RHOBTB2: variants seen among roughly 807,000 people sequenced by gnomAD.
RHOBTB2 encodes rho-related BTB domain-containing protein 2.
A neutral mutation model predicts 66.5 loss-of-function variants in RHOBTB2; 39 were observed. That is an observed-to-expected ratio of 0.59 (90% confidence interval 0.45 to 0.77). RHOBTB2 has a LOEUF of 0.77. Ranked by LOEUF, RHOBTB2 falls within the 30% of genes least tolerant of loss-of-function variation. The pLI is 0.00. For missense variants in RHOBTB2, 755 were observed against 999.1 expected (o/e 0.76, Z 3.29); for synonymous variants, 390 against 395.0 (o/e 0.99, Z 0.15).
Position 23,005,678 on chromosome 8 carries a change from C to T in RHOBTB2, c.296+203C>T, listed in dbSNP as rs2430812. ...GGATCAGGAAGCCTGGATTGAGTTC[C>T]AGCTCTGTGCCTAGTAGCTCTGAGA... On this transcript the variant is annotated intron_variant, in intron 3 of 9. Coordinates refer to ENST00000251822, the MANE Select transcript of RHOBTB2 (RefSeq NM_015178.3). Among the ~76,000 whole-genome samples, 127,774 of 152,154 alleles carry T rather than the reference C, an allele frequency of 0.84. 53,702 individuals are homozygous for T. The highest frequency in any genetic ancestry group is 0.96 in the East Asian group (4,954 of 5,180).
At chr8:22,981,908 C>CAG in the RHOBTB2 span, among the ~76,000 whole-genome samples, 842 of 151,948 alleles carry the variant, frequency 5.5e-3, 9 homozygotes, top group African/African-American at 0.019. Context: ...GTTCCATATC[C>CAG]GCCACTTTAC....
rs1413719232 is a variant in RHOBTB2 at position 22,999,755 on chromosome 8, C to G, written c.-361C>G. 2.0e-6 allele frequency: 2 copies of G among 1,012,404 alleles called. No homozygotes were observed. Among genetic ancestry groups the G allele is most frequent in the East Asian group, 1.1e-4 (1 of 9,286 alleles). 62.7% of individuals were successfully genotyped at this position (1,012,404 alleles called of 1,614,324 possible). A position where few individuals can be genotyped will look rare whatever the true frequency, so the allele number is the denominator to read the frequency against. ...GGGCGCGTAGCGGCGGCGGCCTCGC[C>G]CCTCTCCCGGCGCCCCTGCGCGCCG... On this transcript the variant is annotated 5_prime_UTR_variant, in exon 1 of 10. Transcript: ENST00000251822.
At position 23,017,670 on chromosome 8, in the gene RHOBTB2, C is replaced by T. The variant is rs879011512; in HGVS notation, c.*201C>T. 1 of 735,300 alleles carries T rather than the reference C, an allele frequency of 1.4e-6. No homozygotes were observed. Among genetic ancestry groups the T allele is most frequent in the Non-Finnish European group, 2.2e-6 (1 of 462,432 alleles). 45.5% of individuals were successfully genotyped at this position (735,300 alleles called of 1,614,324 possible). On this transcript the variant is annotated 3_prime_UTR_variant, in exon 10 of 10. Coordinates refer to ENST00000251822, the MANE Select transcript of RHOBTB2 (RefSeq NM_015178.3). The surrounding 1 kb of genome is among the most constrained non-coding windows in gnomAD (Gnocchi z 5.3). Reference sequence around the variant, plus strand: ...TGTGGAGCAGAACGGGAACCACCTGCAGAGGTCCCCAGACCCAAAGCAGGA... The same window carrying T: ...TGTGGAGCAGAACGGGAACCACCTGTAGAGGTCCCCAGACCCAAAGCAGGA...
At chr8:22,983,488 GAAA>G (rs113934503), upstream of RHOBTB2, among the ~76,000 whole-genome samples, 3 of 119,306 alleles carry the variant, frequency 2.5e-5, no homozygotes, top group African/African-American at 6.3e-5. Flanking sequence ...CACCTCTCAA[GAAA>G]AAAAAAAAAA....
At position 22,999,741 on chromosome 8, in the gene RHOBTB2, G is replaced by A. The variant is rs1286226424; in HGVS notation, c.-375G>A. 9.3e-7 allele frequency: 1 copy of A among 1,079,150 alleles called. No homozygotes were observed. The highest frequency in any genetic ancestry group is 2.1e-5 in the South Asian group (1 of 46,582). 66.8% of individuals were successfully genotyped at this position (1,079,150 alleles called of 1,614,324 possible). ...TTCGCCGCGGGCCCGGGCGCGTAGC[G>A]GCGGCGGCCTCGCCCCTCTCCCGGC... On this transcript the variant is annotated 5_prime_UTR_variant, in exon 1 of 10. Transcript: ENST00000251822.
rs147473485 is a variant in RHOBTB2, at chr8:23,006,860, A to T, written c.615A>T (p.Arg205=). ...GIKDVFDNAI[R]AALISRRHLQ... is the part of the protein sequence containing the mutation. Reference sequence around the variant, plus strand: ...AGGACGTCTTTGACAACGCCATCCGAGCTGCACTCATCTCCCGCCGCCACC... The same window carrying T: ...AGGACGTCTTTGACAACGCCATCCGTGCTGCACTCATCTCCCGCCGCCACC... The change falls in exon 5 of 10, where the codon CGA becomes CGT. Residue 205 remains arginine, a synonymous_variant. Transcript: ENST00000251822. This position sits in a 1 kb window ranked among gnomAD's most constrained non-coding sequence, Gnocchi z 6.1. The T allele has an allele frequency of 1.7e-4, 273 of 1,613,984 alleles. 1 individual carries two copies. The African/African-American group carries it at 3.5e-3, about 21-fold the overall frequency.
At chr8:22,995,698 T>A (rs1380431543), upstream of RHOBTB2, 11 of 704,944 alleles carry the variant, frequency 1.6e-5, no homozygotes, top group Admixed American at 1.4e-4. Flanking sequence ...GGGCTCTGCA[T>A]CTTGAAATGC....
chr8:22,961,509 A>T, the RHOBTB2 span, among the ~76,000 whole-genome samples: 1 of 151,944 alleles, frequency 6.6e-6, no homozygotes, highest in Non-Finnish European at 1.5e-5. Context: ...GCTCAGTTAA[A>T]CTCTGCTAAA....
At chr8:23,007,844 T>C (rs1243179458) in intron 5 of RHOBTB2, 98 bp downstream of exon 5, 3 of 1,524,086 alleles carry the variant, frequency 2.0e-6, no homozygotes, top group Non-Finnish European at 2.7e-6. Context: ...GCGGCTGCCA[T>C]GCTCTTGAAG....
chr8:22,961,728 C>G, the RHOBTB2 span, among the ~76,000 whole-genome samples: 10 of 152,150 alleles, frequency 6.6e-5, no homozygotes, highest in Non-Finnish European at 1.5e-4. Context: ...AGCTTTGCAT[C>G]TATCTCTTCA....
At chr8:22,999,363 G>A (rs1345681912), upstream of RHOBTB2, among the ~76,000 whole-genome samples, 1 of 151,864 alleles carries the variant, frequency 6.6e-6, no homozygotes, top group African/African-American at 2.4e-5. Flanking sequence ...AGGGACCGGC[G>A]CCACCCAGAC....
At chr8:22,967,652 T>C in the RHOBTB2 span, among the ~76,000 whole-genome samples, 1 of 142,090 alleles carries the variant, frequency 7.0e-6, no homozygotes, top group Non-Finnish European at 1.5e-5. Context: ...CTCACTCATA[T>C]GAGGTACTTA....
upstream of RHOBTB2, among the ~76,000 whole-genome samples, chr8:22,998,155 C>G: frequency 6.6e-6 from 1 of 152,170 alleles, no homozygotes; most frequent in Non-Finnish European, 1.5e-5. Context: ...TCACAAACAC[C>G]TTGAGGGACA....
At chr8:22,953,326 A>G in the RHOBTB2 span, among the ~76,000 whole-genome samples, 3 of 151,372 alleles carry the variant, frequency 2.0e-5, no homozygotes, top group African/African-American at 7.3e-5. Context: ...GTGTTGACAG[A>G]CTGCCTTTCC....
the RHOBTB2 span, among the ~76,000 whole-genome samples, chr8:22,954,858 G>A: frequency 6.6e-6 from 1 of 152,176 alleles, no homozygotes; most frequent in Non-Finnish European, 1.5e-5. Context: ...ATGGCTGGGT[G>A]CGGTGGCTCA....
chr8:22,977,026 G>A, the RHOBTB2 span, among the ~76,000 whole-genome samples: 1 of 151,994 alleles, frequency 6.6e-6, no homozygotes, highest in South Asian at 2.1e-4. Flanking sequence ...AGGCTGAGGT[G>A]GAAGAGTTGC....
the RHOBTB2 span, among the ~76,000 whole-genome samples, chr8:22,970,193 G>T: frequency 1.3e-5 from 2 of 152,182 alleles, no homozygotes; most frequent in East Asian, 1.9e-4. Flanking sequence ...GCACCAGCAG[G>T]TTGCACATCT....
Position 23,007,758 on chromosome 8 carries a change from G to T in RHOBTB2, c.1501+12G>T. 1 of 1,609,622 alleles carries T rather than the reference G, an allele frequency of 6.2e-7. No homozygotes were observed. The highest frequency in any genetic ancestry group is 1.1e-5 in the South Asian group (1 of 90,686). On this transcript the variant is annotated intron_variant, in intron 5 of 9. Coordinates refer to ENST00000251822, the MANE Select transcript of RHOBTB2 (RefSeq NM_015178.3). ...AGGCACCTTCTCAGGTATGGAACAG[G>T]CTTGGAAAGCAAGGGGGTTCTGCAT...
chr8:23,013,687 G>T (rs1811211797), intron 7 of RHOBTB2, among the ~76,000 whole-genome samples: 1 of 151,850 alleles, frequency 6.6e-6, no homozygotes, highest in Non-Finnish European at 1.5e-5. Flanking sequence ...GTAGAGACAG[G>T]GTTTCACCAT....
Sources: allele counts gnomAD v4.1 joint callset (sites outside exome capture counted in the v4.1 genomes callset), GRCh38; gene constraint gnomAD v4.1.1; non-coding constraint Gnocchi (gnomAD v3.1); transcripts MANE v1.5; gene names NCBI Gene and HGNC (gene_info 2026-07-23, HGNC 2026-07-21).